Variants in OVCH1 observed in about 807,000 individuals in gnomAD.
OVCH1 encodes ovochymase-1.
In OVCH1, 139 loss-of-function variants were observed where a neutral mutation model predicts 138.4. The ratio of observed to expected loss-of-function variants is 1.00; its 90% CI spans 0.87 to 1.16. The LOEUF (loss-of-function observed/expected upper bound fraction) is 1.16. OVCH1 is among the 50% of genes most tolerant of loss of function. The pLI is 0.00. For missense variants in OVCH1, 1,367 were observed against 1,357.9 expected (o/e 1.01, Z -0.11); for synonymous variants, 453 against 467.8 (o/e 0.97, Z 0.41).
intron 3 of OVCH1, among the ~76,000 whole-genome samples, chr12:29,413,018 C>T (rs1940980780): frequency 7.6e-6 from 1 of 132,062 alleles, no homozygotes; most frequent in Non-Finnish European, 1.6e-5. Context: ...TCACATCCAG[C>T]TAATTCTTTT....
chr12:29,465,340 G>T lies in OVCH1; in HGVS notation c.1857-121C>A, dbSNP rs10771537. On this transcript the variant is annotated intron_variant, in intron 16 of 27. Coordinates refer to ENST00000318184, the Ensembl canonical transcript of OVCH1. ...TTCTGAAGACGTTCTGAGGAAAAGA[G>T]GTTTATGAAGAAGAGGTTTAATTGA... The T allele has an allele frequency of 7.6e-6, 6 of 793,780 alleles. No homozygotes were observed. In the East Asian group the frequency reaches 8.6e-5, roughly 11 times the overall value. The allele number at this position is 793,780 out of a possible 1,614,324, so 49.2% of individuals were successfully genotyped here. A position where few individuals can be genotyped will look rare whatever the true frequency, so the allele number is the denominator to read the frequency against.
At chr12:29,478,460 G>A (rs1942816968) in intron 9 of OVCH1, among the ~76,000 whole-genome samples, 1 of 152,082 alleles carries the variant, frequency 6.6e-6, no homozygotes, top group Non-Finnish European at 1.5e-5. Flanking sequence ...TGACAACTGT[G>A]ACATCAATTG....
chr12:29,404,416 A>G, the OVCH1 span, among the ~76,000 whole-genome samples: 30 of 152,234 alleles, frequency 2.0e-4, no homozygotes, highest in African/African-American at 7.2e-4. Flanking sequence ...ATGGTCAGGC[A>G]GGGCACAGGT....
chr12:29,463,455 T>G (rs1294656087), intron 18 of OVCH1, among the ~76,000 whole-genome samples: 1 of 152,110 alleles, frequency 6.6e-6, no homozygotes, highest in African/African-American at 2.4e-5. Flanking sequence ...CCACGGTATC[T>G]GAAGGTTAAC....
intron 17 of OVCH1, 133 bp downstream of exon 17, chr12:29,465,014 G>T: frequency 1.2e-6 from 1 of 812,578 alleles, no homozygotes; most frequent in South Asian, 2.0e-5. Context: ...ATTTTTAAAT[G>T]TGGGTATAAA....
downstream of OVCH1, among the ~76,000 whole-genome samples, chr12:29,410,041 T>G (rs566956109): frequency 2.8e-3 from 432 of 152,340 alleles, 1 homozygote; most frequent in Admixed American, 6.1e-3. Flanking sequence ...CTTGTTGAAT[T>G]GATCCCTTTA....
intron 25 of OVCH1, among the ~76,000 whole-genome samples, 98 bp downstream of exon 26, chr12:29,439,755 T>G (rs1941440278): frequency 6.6e-6 from 1 of 152,216 alleles, no homozygotes; most frequent in Non-Finnish European, 1.5e-5. Context: ...TCACATGTGC[T>G]ACTGACTGCC....
downstream of OVCH1, among the ~76,000 whole-genome samples, chr12:29,408,983 A>C (rs544805867): frequency 3.2e-3 from 494 of 152,232 alleles, 3 homozygotes; most frequent in Middle Eastern, 6.8e-3. Flanking sequence ...CCACAATTTC[A>C]GCTCCTGTTA....
chr12:29,437,704 G>T (rs534925424), intron 26 of OVCH1, among the ~76,000 whole-genome samples: 2 of 152,250 alleles, frequency 1.3e-5, no homozygotes, highest in South Asian at 4.1e-4. Context: ...AGAAACAAGA[G>T]ATTTAATTTA....
intron 26 of OVCH1, among the ~76,000 whole-genome samples, chr12:29,436,900 C>T (rs1345377037): frequency 2.0e-5 from 3 of 152,164 alleles, no homozygotes; most frequent in African/African-American, 7.2e-5. Flanking sequence ...ACAAAGCTTC[C>T]ACAGCATGGA....
At chr12:29,457,604 C>T (rs1176565979) in intron 19 of OVCH1, among the ~76,000 whole-genome samples, 3 of 151,742 alleles carry the variant, frequency 2.0e-5, no homozygotes, top group African/African-American at 7.3e-5. Flanking sequence ...AGGGTTTCAC[C>T]ATGTTGGCCA....
At chr12:29,434,652 G>GA (rs1035449191) in intron 26 of OVCH1, among the ~76,000 whole-genome samples, 17 of 151,958 alleles carry the variant, frequency 1.1e-4, no homozygotes, top group African/African-American at 4.1e-4. Flanking sequence ...CATTATATGT[G>GA]AAAATCGTAA....
intron 19 of OVCH1, among the ~76,000 whole-genome samples, chr12:29,457,362 TAGTAAATATTC>T (rs1941983735): frequency 6.7e-6 from 1 of 150,168 alleles, no homozygotes; most frequent in Non-Finnish European, 1.5e-5. Context: ...GTCCAGTCCA[TAGTAAATATTC>T]AGCAAACAAA....
chr12:29,474,366 C>T (rs1284748096), intron 14 of OVCH1, among the ~76,000 whole-genome samples: 2 of 152,144 alleles, frequency 1.3e-5, no homozygotes, highest in African/African-American at 4.8e-5. Context: ...CTCAAAGCCT[C>T]ACTTCCCTCA....
intron 4 of OVCH1, among the ~76,000 whole-genome samples, chr12:29,493,512 T>C (rs1412982784): frequency 1.3e-5 from 2 of 152,172 alleles, no homozygotes; most frequent in Non-Finnish European, 2.9e-5. Flanking sequence ...CTTTCTAAAC[T>C]TCAAATTGGA....
At chr12:29,486,898 G>C (rs1340178596) in intron 7 of OVCH1, 1 of 455,710 alleles carries the variant, frequency 2.2e-6, no homozygotes, top group Non-Finnish European at 4.4e-6. Flanking sequence ...GATCAAAATG[G>C]AACACAATTG....
downstream of OVCH1, among the ~76,000 whole-genome samples, chr12:29,409,114 C>T (rs1940919903): frequency 6.6e-6 from 1 of 152,188 alleles, no homozygotes; most frequent in African/African-American, 2.4e-5. Flanking sequence ...TTGTAGTAAT[C>T]TCTGATGGTA....
At chr12:29,461,828 C>G in intron 19 of OVCH1, 26 bp downstream of exon 19, 1 of 1,613,326 alleles carries the variant, frequency 6.2e-7, no homozygotes, top group Non-Finnish European at 8.5e-7. Context: ...TTTCCACCTT[C>G]CTGTATAAAA....
chr12:29,413,024 C>CT lies in OVCH1; in HGVS notation c.*72-300dup, dbSNP rs35540929. On this transcript the variant is annotated intron_variant and NMD_transcript_variant, in intron 3 of 4. Transcript: ENST00000539117. The stretch of plus-strand genomic sequence containing the variant: ...CATGCACTATCACATCCAGCTAATT[C>CT]TTTTTTTTTTTTTTTCTTTTGGAGA... Among the ~76,000 whole-genome samples, 984 of 140,950 alleles carry CT rather than the reference C, an allele frequency of 7.0e-3. 8 individuals carry two copies. The highest frequency in any genetic ancestry group is 0.022 in the African/African-American group (868 of 38,716). 92.5% of individuals were successfully genotyped at this position (140,950 alleles called of 152,430 possible).
Sources: allele counts gnomAD v4.1 joint callset (sites outside exome capture counted in the v4.1 genomes callset), GRCh38; gene constraint gnomAD v4.1.1; transcripts MANE v1.5; gene names NCBI Gene and HGNC (gene_info 2026-07-23, HGNC 2026-07-21).